The following CADM2 variants were observed in gnomAD, a reference collection of about 807,000 sequenced individuals.
CADM2 encodes the protein cell adhesion molecule 2, also known as immunoglobulin superfamily member 4D.
A neutral mutation model predicts 49.8 loss-of-function variants in CADM2; 12 were observed. The ratio of observed to expected loss-of-function variants is 0.24; its 90% CI spans 0.15 to 0.39. The LOEUF (loss-of-function observed/expected upper bound fraction) is 0.39, where lower values mean the gene tolerates loss of function less well. CADM2 is among the 10% of genes least tolerant of loss of function. The pLI, the probability that CADM2 is intolerant of heterozygous loss-of-function variation, is 1.00. For missense variants in CADM2, 378 were observed against 492.3 expected (o/e 0.77, Z 2.20); for synonymous variants, 214 against 175.4 (o/e 1.22, Z -1.74).
intron 8 of CADM2, among the ~76,000 whole-genome samples, chr3:86,057,528 A>G (rs1382204621): frequency 6.6e-6 from 1 of 152,218 alleles, no homozygotes; most frequent in Non-Finnish European, 1.5e-5. Flanking sequence ...AATATTATTC[A>G]TTCACTCAAT....
intron 1 of CADM2, among the ~76,000 whole-genome samples, chr3:85,518,135 T>G (rs1301650016): frequency 6.6e-6 from 1 of 152,066 alleles, no homozygotes; most frequent in Non-Finnish European, 1.5e-5. Flanking sequence ...AGACTACAGG[T>G]GCGCACCACC....
At chr3:85,556,204 A>C (rs78540961) in intron 1 of CADM2, among the ~76,000 whole-genome samples, 2,393 of 152,254 alleles carry the variant, frequency 0.016, 74 homozygotes, top group African/African-American at 0.054. Flanking sequence ...AGCTAGAGAA[A>C]ATAAAATATT....
chr3:85,721,885 C>T (rs1411388478), intron 1 of CADM2, among the ~76,000 whole-genome samples: 1 of 152,224 alleles, frequency 6.6e-6, no homozygotes, highest in Non-Finnish European at 1.5e-5. Context: ...GTACTGAATT[C>T]TTGCTCCACA....
intron 5 of CADM2, among the ~76,000 whole-genome samples, chr3:85,903,594 G>C (rs1345382567): frequency 1.3e-5 from 2 of 152,082 alleles, no homozygotes; most frequent in African/African-American, 4.8e-5. Flanking sequence ...AGTACCCGTT[G>C]TTGTTGGCTT....
chr3:85,113,839 A>C (rs999293396), intron 1 of CADM2, among the ~76,000 whole-genome samples: 2 of 152,020 alleles, frequency 1.3e-5, no homozygotes, highest in African/African-American at 4.8e-5. Flanking sequence ...TATATAGTTA[A>C]ATGGTATCTT....
intron 1 of CADM2, among the ~76,000 whole-genome samples, chr3:85,240,192 A>G (rs2042499222): frequency 1.3e-5 from 2 of 151,406 alleles, no homozygotes; most frequent in Admixed American, 1.3e-4. Context: ...ATTTGTTTAT[A>G]TTGTTATAAT....
At chr3:85,830,294 T>C (rs2074127732) in intron 3 of CADM2, among the ~76,000 whole-genome samples, 1 of 151,978 alleles carries the variant, frequency 6.6e-6, no homozygotes, top group Non-Finnish European at 1.5e-5. Context: ...CGTTTTCATA[T>C]ACCTTTTGGC....
intron 2 of CADM2, among the ~76,000 whole-genome samples, chr3:85,766,952 AC>A (rs1461565615): frequency 6.6e-6 from 1 of 152,110 alleles, no homozygotes; most frequent in African/African-American, 2.4e-5. Context: ...TTTTGCCATC[AC>A]TTTTTGTCAT....
At chr3:85,877,921 C>T (rs1175317622) in intron 3 of CADM2, among the ~76,000 whole-genome samples, 1 of 152,038 alleles carries the variant, frequency 6.6e-6, no homozygotes, top group Non-Finnish European at 1.5e-5. Flanking sequence ...AGGAAACCCA[C>T]TGAGTTATAG....
intron 1 of CADM2, among the ~76,000 whole-genome samples, chr3:85,647,020 G>T (rs1010467184): frequency 2.6e-5 from 4 of 151,554 alleles, no homozygotes; most frequent in Non-Finnish European, 5.9e-5. Context: ...GCAATTTTTT[G>T]AACGTAACTT....
intron 8 of CADM2, among the ~76,000 whole-genome samples, chr3:85,978,340 C>G (rs1296717788): frequency 6.6e-6 from 1 of 151,584 alleles, no homozygotes; most frequent in Non-Finnish European, 1.5e-5. Flanking sequence ...GTATTTGAAG[C>G]TACACTTAAC....
At chr3:85,351,888 T>C (rs2031386241) in intron 1 of CADM2, among the ~76,000 whole-genome samples, 1 of 152,092 alleles carries the variant, frequency 6.6e-6, no homozygotes, top group South Asian at 2.1e-4. Flanking sequence ...TTACATTTAC[T>C]CTCTGGAGTA....
chr3:85,877,768 T>C lies in CADM2; in HGVS notation c.239-5523T>C, dbSNP rs80173264. Among the ~76,000 whole-genome samples the C allele has an allele frequency of 2.0e-5, 3 of 150,270 alleles. No homozygotes were observed. The East Asian group carries it at 5.9e-4, about 30-fold the overall frequency. On this transcript the variant is annotated intron_variant, in intron 3 of 9. Transcript: ENST00000383699. ...AGAGATATTGAAGAGGACTTCCTAGTTCAGCTCTTTTTCACTCTGTTCTTA... is the reference window on the plus strand; with the variant it reads ...AGAGATATTGAAGAGGACTTCCTAGCTCAGCTCTTTTTCACTCTGTTCTTA...
intron 1 of CADM2, among the ~76,000 whole-genome samples, chr3:85,250,798 C>T (rs745811586): frequency 2.6e-5 from 4 of 151,482 alleles, no homozygotes; most frequent in Non-Finnish European, 5.9e-5. Flanking sequence ...ATAGATAATA[C>T]TTATTTATGA....
chr3:85,103,466 C>CTA (rs2038087976), intron 1 of CADM2, among the ~76,000 whole-genome samples: 1 of 151,812 alleles, frequency 6.6e-6, no homozygotes, highest in Non-Finnish European at 1.5e-5. Flanking sequence ...ATAAATGACC[C>CTA]TAGGATTCTG....
At chr3:85,343,127 G>C (rs2030111876) in intron 1 of CADM2, among the ~76,000 whole-genome samples, 1 of 152,050 alleles carries the variant, frequency 6.6e-6, no homozygotes, top group Non-Finnish European at 1.5e-5. Flanking sequence ...ACATCTAGTG[G>C]GTAGGGGCAG....
At chr3:85,749,995 T>C (rs1469245409) in intron 2 of CADM2, among the ~76,000 whole-genome samples, 1 of 152,062 alleles carries the variant, frequency 6.6e-6, no homozygotes, top group Non-Finnish European at 1.5e-5. Flanking sequence ...ACGTGTATGG[T>C]CAACTCTTCT....
At chr3:85,961,938 A>G in intron 8 of CADM2, among the ~76,000 whole-genome samples, 1 of 151,434 alleles carries the variant, frequency 6.6e-6, no homozygotes, top group Non-Finnish European at 1.5e-5. Context: ...TCTTTATTTT[A>G]TTTTTTATTT....
chr3:85,756,937 C>T (rs937995162), intron 2 of CADM2, among the ~76,000 whole-genome samples: 1 of 152,012 alleles, frequency 6.6e-6, no homozygotes, highest in Non-Finnish European at 1.5e-5. Flanking sequence ...GTGAAATAGG[C>T]AAGATGGTTT....
Sources: allele counts gnomAD v4.1 joint callset (sites outside exome capture counted in the v4.1 genomes callset), GRCh38; gene constraint gnomAD v4.1.1; transcripts MANE v1.5; gene names NCBI Gene and HGNC (gene_info 2026-07-23, HGNC 2026-07-21).